Variants in TRAM2 observed in about 807,000 individuals in gnomAD.
The protein encoded by TRAM2 is translocating chain-associated membrane protein 2.
TRAM2 carries 12 observed loss-of-function variants against 51.0 expected under a neutral mutation model. That is an observed-to-expected ratio of 0.24 (90% CI 0.15 to 0.38). The LOEUF is 0.38. Among genes scored for constraint, TRAM2 ranks in the 10% least tolerant of loss-of-function variants. The probability of loss-of-function intolerance (pLI) is 1.00; values close to 1 mark genes in which losing one functional copy is unlikely to be tolerated. For synonymous variants in TRAM2, 175 were observed against 179.4 expected (o/e 0.98, Z 0.20); for missense variants, 361 against 462.0 (o/e 0.78, Z 2.00).
At chr6:52,528,886 C>CT (rs144917424) in intron 2 of TRAM2, among the ~76,000 whole-genome samples, 2,949 of 128,330 alleles carry the variant, frequency 0.023, 78 homozygotes, top group Non-Finnish European at 0.028. Context: ...GTGTACATGA[C>CT]TTTTTTTTTT....
At chr6:52,535,513 A>G (rs1234873367) in intron 2 of TRAM2, among the ~76,000 whole-genome samples, 1 of 152,162 alleles carries the variant, frequency 6.6e-6, no homozygotes, top group African/African-American at 2.4e-5. Context: ...AAATTCCTTC[A>G]CTACTAAGAG....
chr6:52,576,662 G>A, intron 1 of TRAM2, 134 bp downstream of exon 1: 1 of 1,242,876 alleles, frequency 8.0e-7, no homozygotes, highest in South Asian at 1.5e-5. Context: ...AGTGCACAAA[G>A]CCGGGGTGCA....
intron 4 of TRAM2, among the ~76,000 whole-genome samples, chr6:52,512,577 C>G (rs1316974360): frequency 1.3e-5 from 2 of 152,200 alleles, no homozygotes; most frequent in Non-Finnish European, 2.9e-5. Context: ...CTGAAACCCA[C>G]CCCAAATCCC....
chr6:52,519,980 C>T (rs1051554811), intron 2 of TRAM2, among the ~76,000 whole-genome samples: 3 of 152,036 alleles, frequency 2.0e-5, no homozygotes, highest in Non-Finnish European at 4.4e-5. Context: ...ATGGTGGTTA[C>T]CAAGGGCTGG....
chr6:52,527,585 C>CA (rs1479158765), intron 2 of TRAM2, among the ~76,000 whole-genome samples: 1 of 152,042 alleles, frequency 6.6e-6, no homozygotes, highest in Non-Finnish European at 1.5e-5. Flanking sequence ...TGCAGCAGTT[C>CA]AAAGATGTGG....
chr6:52,505,791 G>A (rs747033494), intron 8 of TRAM2, 49 bp from the exon 9 acceptor site: 4 of 1,554,840 alleles, frequency 2.6e-6, no homozygotes, highest in Non-Finnish European at 2.6e-6. Context: ...GCCCTTGAAG[G>A]AATCTTCACC....
rs932607261 is a variant in TRAM2, at chr6:52,499,488, C to G, written c.*3709G>C. 6.6e-6 allele frequency: 1 copy of G among 152,202 alleles called. No homozygotes were observed. Among genetic ancestry groups the G allele is most frequent in the Non-Finnish European group, 1.5e-5 (1 of 68,036 alleles). The allele number at this position is 152,202 out of a possible 1,614,324, so 9.4% of individuals were successfully genotyped here. ...AACCCAAGCGAAGGCCTTTTCTAGG[C>G]ACAAGGGGGTCGGCAACCCACTTCC... On this transcript the variant is annotated 3_prime_UTR_variant, in exon 11 of 11. Coordinates refer to ENST00000182527, the MANE Select transcript of TRAM2 (RefSeq NM_012288.4).
chr6:52,570,792 A>ACC lies in TRAM2; in HGVS notation c.120+6002_120+6003dup, dbSNP rs1487796614. On this transcript the variant is annotated intron_variant, in intron 1 of 10. Transcript: ENST00000182527. ...AGATCTGCCCCAATCCTCCCTGCCC[A>ACC]CCACCCCCCCCCCCACACGCACACA... Among the ~76,000 whole-genome samples, 209 of 32,862 alleles carry ACC rather than the reference A, an allele frequency of 6.4e-3. 2 individuals carry two copies. Among genetic ancestry groups the ACC allele is most frequent in the African/African-American group, 0.016 (121 of 7,556 alleles). The allele number at this position is 32,862 out of a possible 152,430, so 21.6% of individuals were successfully genotyped here. A position where few individuals can be genotyped will look rare whatever the true frequency, so the allele number is the denominator to read the frequency against.
At chr6:52,505,978 G>A (rs762818210) in intron 8 of TRAM2, 54 bp downstream of exon 8, 1 of 1,593,766 alleles carries the variant, frequency 6.3e-7, no homozygotes, top group South Asian at 1.1e-5. Context: ...CCGGGCCTCG[G>A]GGGAACCCCT....
At chr6:52,542,700 T>C (rs1357767230) in intron 1 of TRAM2, among the ~76,000 whole-genome samples, 1 of 152,170 alleles carries the variant, frequency 6.6e-6, no homozygotes, top group Non-Finnish European at 1.5e-5. Context: ...TGATAGCAGT[T>C]TTAGATTAAA....
At chr6:52,540,894 TCA>T (rs747289749) in intron 1 of TRAM2, among the ~76,000 whole-genome samples, 35 of 152,084 alleles carry the variant, frequency 2.3e-4, no homozygotes, top group Non-Finnish European at 4.4e-4. Context: ...AAGGGTCACA[TCA>T]CACACACACA....
chr6:52,514,349 C>T (rs758560393), intron 4 of TRAM2, among the ~76,000 whole-genome samples: 2 of 152,158 alleles, frequency 1.3e-5, no homozygotes, highest in Non-Finnish European at 2.9e-5. Context: ...ACAGTTCCAA[C>T]GGAGGAGGGC....
rs948668634 is a variant in TRAM2 at position 52,501,485 on chromosome 6, A to G, written c.*1712T>C. 6.6e-6 allele frequency: 1 copy of G among 152,218 alleles called. No homozygotes were observed. Among genetic ancestry groups the G allele is most frequent in the South Asian group, 2.1e-4 (1 of 4,826 alleles). 9.4% of individuals were successfully genotyped at this position (152,218 alleles called of 1,614,324 possible). On this transcript the variant is annotated 3_prime_UTR_variant, in exon 11 of 11. Transcript: ENST00000182527. Reference sequence around the variant, plus strand: ...GACCAGTATTCCAAATGACACTACTATTCCTGCACCTACCAAGAACTACTC... The same window carrying G: ...GACCAGTATTCCAAATGACACTACTGTTCCTGCACCTACCAAGAACTACTC...
intron 1 of TRAM2, among the ~76,000 whole-genome samples, chr6:52,554,931 C>T (rs1158588784): frequency 6.6e-6 from 1 of 152,066 alleles, no homozygotes; most frequent in East Asian, 1.9e-4. Flanking sequence ...CGAGGCTGGT[C>T]TCGAACTCCT....
chr6:52,554,184 C>A (rs1767360022), intron 1 of TRAM2, among the ~76,000 whole-genome samples: 1 of 152,184 alleles, frequency 6.6e-6, no homozygotes, highest in East Asian at 1.9e-4. Context: ...TTGCTTACTG[C>A]ACCCCTGGGA....
chr6:52,506,315 A>T (rs1215796558), intron 7 of TRAM2, among the ~76,000 whole-genome samples, 179 bp from the exon 8 acceptor site: 2 of 151,104 alleles, frequency 1.3e-5, no homozygotes, highest in Non-Finnish European at 2.9e-5. Context: ...CCTTTAAGAC[A>T]TTTTTCCTAA....
intron 2 of TRAM2, among the ~76,000 whole-genome samples, chr6:52,527,372 T>A (rs553507805): frequency 3.7e-4 from 38 of 101,916 alleles, no homozygotes; most frequent in African/African-American, 1.3e-3. Flanking sequence ...AGCAAGACTC[T>A]ATCTCAAAAA....
intron 1 of TRAM2, among the ~76,000 whole-genome samples, chr6:52,562,856 A>T (rs1369522063): frequency 6.6e-6 from 1 of 152,210 alleles, no homozygotes; most frequent in East Asian, 1.9e-4. Context: ...CAATGAAGGC[A>T]CTGGTAGAAC....
Position 52,508,411 on chromosome 6 carries a change from A to ACT in TRAM2, c.471-95_471-94dup. 3 of 1,236,232 alleles carry ACT rather than the reference A, an allele frequency of 2.4e-6. No homozygotes were observed. In the South Asian group the frequency reaches 3.9e-5, roughly 16 times the overall value. The allele number at this position is 1,236,232 out of a possible 1,614,324, so 76.6% of individuals were successfully genotyped here. Reference sequence around the variant, plus strand: ...ACAGGAGGGAAAAGCATGGGCTGAGACTCTGCCTGTGAGGAGCTGGTCCAG... The same window carrying ACT: ...ACAGGAGGGAAAAGCATGGGCTGAGACTCTCTGCCTGTGAGGAGCTGGTCCAG... On this transcript the variant is annotated intron_variant, in intron 5 of 10. Coordinates refer to ENST00000182527, the MANE Select transcript of TRAM2 (RefSeq NM_012288.4).
Sources: gnomAD v4.1 joint callset for allele counts (sites outside exome capture counted in the v4.1 genomes callset) on GRCh38, gnomAD v4.1.1 for gene constraint, MANE v1.5 for transcripts, NCBI Gene and HGNC (gene_info 2026-07-23, HGNC 2026-07-21) for gene names.